Variants in FAM120A observed in about 807,000 individuals in gnomAD.
FAM120A encodes the protein family with sequence similarity 120 member A.
A neutral mutation model predicts 109.7 loss-of-function variants in FAM120A; 15 were observed. The ratio of observed to expected loss-of-function variants is 0.14; its 90% CI spans 0.09 to 0.21. The LOEUF (loss-of-function observed/expected upper bound fraction) is 0.21, where lower values mean the gene tolerates loss of function less well. Ranked by LOEUF, FAM120A falls within the 10% of genes least tolerant of loss-of-function variation. The probability of loss-of-function intolerance (pLI) is 1.00; values close to 1 mark genes in which losing one functional copy is unlikely to be tolerated. For synonymous variants in FAM120A, 493 were observed against 572.8 expected (o/e 0.86, Z 1.99); for missense variants, 899 against 1,439.3 (o/e 0.62, Z 6.07).
chr9:93,532,656 C>T lies in FAM120A; in HGVS notation c.1909+327C>T, dbSNP rs1861373254. The T allele has an allele frequency of 1.6e-5, 5 of 317,812 alleles. No homozygotes were observed. The highest frequency in any genetic ancestry group is 8.7e-5 in the South Asian group (3 of 34,354). The allele number at this position is 317,812 out of a possible 1,614,324, so 19.7% of individuals were successfully genotyped here. ...AATTACCACGTCTTGGTAATCAGGA[C>T]GAGTGAGTTTCTGTGCTCTGGTTTT... is the stretch of plus-strand genomic sequence containing the variant. On this transcript the variant is annotated intron_variant, in intron 10 of 17. Coordinates refer to ENST00000277165, the MANE Select transcript of FAM120A (RefSeq NM_014612.5). The surrounding 1 kb of genome is among the most constrained non-coding windows in gnomAD (Gnocchi z 4.3).
chr9:93,542,631 G>T (rs1861746529), intron 10 of FAM120A, among the ~76,000 whole-genome samples: 1 of 152,128 alleles, frequency 6.6e-6, no homozygotes, highest in Admixed American at 6.5e-5. Flanking sequence ...CTGTGTGCTG[G>T]CATCATCTGG....
intron 1 of FAM120A, among the ~76,000 whole-genome samples, chr9:93,462,907 A>G (rs938568429): frequency 6.6e-6 from 1 of 152,176 alleles, no homozygotes; most frequent in African/African-American, 2.4e-5. Flanking sequence ...TATTGGATAG[A>G]CCACATTTTG....
intron 7 of FAM120A, among the ~76,000 whole-genome samples, chr9:93,516,988 C>T (rs144754437): frequency 2.6e-4 from 39 of 152,292 alleles, no homozygotes; most frequent in African/African-American, 7.5e-4. Flanking sequence ...TACTTTACAG[C>T]GCAGATAACC....
chr9:93,471,063 G>T (rs1588796052), intron 1 of FAM120A, 78 bp from the exon 2 acceptor site: 1 of 1,514,252 alleles, frequency 6.6e-7, no homozygotes, highest in Non-Finnish European at 9.0e-7. Context: ...TTCAGCTTCT[G>T]TGCAAACATT....
intron 7 of FAM120A, among the ~76,000 whole-genome samples, chr9:93,523,538 T>C (rs1228447617): frequency 6.6e-6 from 1 of 152,216 alleles, no homozygotes; most frequent in East Asian, 1.9e-4. Context: ...TGGCAAAAAT[T>C]AATTGTGATC....
chr9:93,512,536 A>ATT lies in FAM120A; in HGVS notation c.1031-3121_1031-3120dup, dbSNP rs59758452. The stretch of plus-strand genomic sequence containing the variant: ...TTTGCTTCTTGTCTTCAGTCTGCAT[A>ATT]TTTTTTTTTTTACCGAAAGCCCACC... On this transcript the variant is annotated intron_variant, in intron 5 of 17. Transcript: ENST00000277165. 3.0e-4 allele frequency among the ~76,000 whole-genome samples: 44 copies of ATT among 149,024 alleles called. 1 individual carries two copies. The highest frequency in any genetic ancestry group is 3.5e-3 in the Middle Eastern group (1 of 288).
At chr9:93,474,175 TTTGTTGTTG>T (rs532797043) in intron 2 of FAM120A, among the ~76,000 whole-genome samples, 3 of 151,978 alleles carry the variant, frequency 2.0e-5, no homozygotes, top group Admixed American at 2.0e-4. Context: ...CTCCTAAGTT[TTTGTTGTTG>T]TTGTTGTTGT....
intron 3 of FAM120A, among the ~76,000 whole-genome samples, chr9:93,491,933 T>C (rs1859339469): frequency 6.6e-6 from 1 of 152,160 alleles, no homozygotes; most frequent in South Asian, 2.1e-4. Context: ...GACACTTCAC[T>C]TGTTTAGTTT....
chr9:93,546,283 C>G (rs1230084320), intron 11 of FAM120A, among the ~76,000 whole-genome samples: 1 of 152,114 alleles, frequency 6.6e-6, no homozygotes, highest in Non-Finnish European at 1.5e-5. Flanking sequence ...TGACACATGG[C>G]CTTTAATCTA....
At chr9:93,503,286 A>T (rs187092250) in intron 5 of FAM120A, among the ~76,000 whole-genome samples, 1 of 152,206 alleles carries the variant, frequency 6.6e-6, no homozygotes, top group East Asian at 1.9e-4. Context: ...CTGCACACAG[A>T]TATTTAAAGC....
intron 1 of FAM120A, among the ~76,000 whole-genome samples, chr9:93,465,747 A>G (rs1294846049): frequency 1.3e-5 from 2 of 152,094 alleles, no homozygotes; most frequent in African/African-American, 4.8e-5. Flanking sequence ...GAACTTCATT[A>G]TGGACTTCAT....
At chr9:93,501,120 G>A (rs1272584209) in intron 5 of FAM120A, among the ~76,000 whole-genome samples, 2 of 152,224 alleles carry the variant, frequency 1.3e-5, no homozygotes, top group Non-Finnish European at 2.9e-5. Flanking sequence ...AGCGCTCAGA[G>A]GTGGGGCCGG....
intron 2 of FAM120A, among the ~76,000 whole-genome samples, chr9:93,472,336 C>T (rs1858348724): frequency 6.6e-6 from 1 of 151,764 alleles, no homozygotes; most frequent in Non-Finnish European, 1.5e-5. Flanking sequence ...TCTTTCTTTG[C>T]TCTTTTGTCA....
intron 7 of FAM120A, among the ~76,000 whole-genome samples, chr9:93,518,332 A>G (rs906022031): frequency 7.9e-5 from 12 of 152,234 alleles, no homozygotes; most frequent in African/African-American, 2.9e-4. Flanking sequence ...CAAGGGTTCT[A>G]GTGTGTTGAA....
At chr9:93,482,923 C>G (rs1273687824) in intron 3 of FAM120A, among the ~76,000 whole-genome samples, 2 of 152,206 alleles carry the variant, frequency 1.3e-5, no homozygotes, top group Non-Finnish European at 2.9e-5. Context: ...AGGTCTCATG[C>G]AGTGCCTGGA....
intron 2 of FAM120A, among the ~76,000 whole-genome samples, chr9:93,473,303 G>A (rs10761228): frequency 0.26 from 39,898 of 151,542 alleles, 6,471 homozygotes; most frequent in East Asian, 0.43. Context: ...GAGCTACCGC[G>A]CCCAGCCTTT....
At chr9:93,478,422 T>C (rs1035403373) in intron 3 of FAM120A, among the ~76,000 whole-genome samples, 3 of 152,160 alleles carry the variant, frequency 2.0e-5, no homozygotes, top group Non-Finnish European at 4.4e-5. Flanking sequence ...AAGTCACACA[T>C]GAAATGCAAG....
intron 10 of FAM120A, among the ~76,000 whole-genome samples, chr9:93,533,974 C>T (rs57055893): frequency 0.045 from 6,820 of 152,254 alleles, 520 homozygotes; most frequent in African/African-American, 0.16. Flanking sequence ...TGTGCTGTCC[C>T]GTGGAGTCAG....
intron 11 of FAM120A, among the ~76,000 whole-genome samples, chr9:93,543,857 A>G (rs1045336073): frequency 2.0e-5 from 3 of 152,132 alleles, no homozygotes; most frequent in Admixed American, 6.5e-5. Context: ...TTATTTAATC[A>G]TTTACAGTCA....
Sources: allele counts gnomAD v4.1 joint callset (sites outside exome capture counted in the v4.1 genomes callset), GRCh38; gene constraint gnomAD v4.1.1; non-coding constraint Gnocchi (gnomAD v3.1); transcripts MANE v1.5; gene names NCBI Gene and HGNC (gene_info 2026-07-23, HGNC 2026-07-21).